SPTAN1: variants seen among roughly 807,000 people sequenced by gnomAD.
The protein encoded by SPTAN1 is spectrin alpha chain, non-erythrocytic 1.
In SPTAN1, 61 loss-of-function variants were observed where a neutral mutation model predicts 331.3. That is an observed-to-expected ratio of 0.18 (90% CI 0.15 to 0.23). The LOEUF is 0.23. SPTAN1 is among the 10% of genes least tolerant of loss of function. The pLI is 1.00. For missense variants in SPTAN1, 2,043 were observed against 3,147.9 expected, an observed-to-expected ratio of 0.65 and a Z score of 8.40; for synonymous variants, 1,153 against 1,173.9, an observed-to-expected ratio of 0.98 and a Z score of 0.36.
intron 51 of SPTAN1, 23 bp from the exon 52 acceptor site, chr9:128,630,298 C>A: frequency 6.2e-7 from 1 of 1,613,900 alleles, no homozygotes; most frequent in Non-Finnish European, 8.5e-7. Flanking sequence ...AGGCCCCTTT[C>A]CTCACTGTCC....
chr9:128,583,520 T>A (rs12342313), intron 15 of SPTAN1, among the ~76,000 whole-genome samples: 2 of 152,328 alleles, frequency 1.3e-5, no homozygotes, highest in South Asian at 2.1e-4. Context: ...TTGGGCCTCA[T>A]TGCTGAAAAT....
chr9:128,569,844 T>C (rs1042583309), intron 3 of SPTAN1, among the ~76,000 whole-genome samples: 9 of 152,298 alleles, frequency 5.9e-5, no homozygotes, highest in Admixed American at 5.9e-4. Flanking sequence ...AAATGTTTGT[T>C]GTCTCACGTT....
chr9:128,570,342 T>A (rs1329933961), intron 3 of SPTAN1, among the ~76,000 whole-genome samples: 691 of 83,348 alleles, frequency 8.3e-3, no homozygotes, highest in African/African-American at 0.019. Context: ...TTTTTTTTTT[T>A]TTTTTTTTTT....
chr9:128,607,071 G>T (rs1855989759), intron 31 of SPTAN1, among the ~76,000 whole-genome samples: 1 of 152,136 alleles, frequency 6.6e-6, no homozygotes, highest in Middle Eastern at 3.2e-3. Context: ...TACACACTCA[G>T]TTTTGTGCCC....
At chr9:128,610,558 TG>T (rs1213905347) in intron 37 of SPTAN1, among the ~76,000 whole-genome samples, 1 of 151,714 alleles carries the variant, frequency 6.6e-6, no homozygotes, top group Non-Finnish European at 1.5e-5. Context: ...GCCTTTTAGT[TG>T]TTTTTTTTTT....
At chr9:128,628,179 C>T (rs773992218) in intron 51 of SPTAN1, 11 of 688,836 alleles carry the variant, frequency 1.6e-5, no homozygotes, top group African/African-American at 8.8e-5. Flanking sequence ...CCTCACTGGG[C>T]GATTCCAAGG....
rs771921943 is a variant in SPTAN1 at position 128,621,213 on chromosome 9, G to A, written c.5789G>A (p.Arg1930His). 3.1e-6 allele frequency: 5 copies of A among 1,614,054 alleles called. No homozygotes were observed. The highest frequency in any genetic ancestry group is 8.5e-7 in the Non-Finnish European group (1 of 1,180,038). The change falls in exon 45 of 57, where the codon CGC becomes CAC. Residue 1930 changes from arginine (R) to histidine (H), a missense_variant. Coordinates refer to ENST00000372739, the MANE Select transcript of SPTAN1 (RefSeq NM_001130438.3). Reference sequence around the variant, plus strand: ...ACAGACTTCACCGTCCACAAGGATCGCGTGAATGATGTCTGCACCAATGGA... The same window carrying A: ...ACAGACTTCACCGTCCACAAGGATCACGTGAATGATGTCTGCACCAATGGA... ...FETDFTVHKD[R>H]VNDVCTNGQD...
rs995924907 is a variant in SPTAN1 at position 128,631,886 on chromosome 9, C to G, written c.6763-241C>G. ...TCGCCGTACTTGTCCTTGGCGTGCA[C>G]TGCCCTCTGGCAGGTCTACCAGCTG... is the stretch of plus-strand genomic sequence containing the variant. On this transcript the variant is annotated intron_variant, in intron 52 of 56. Coordinates refer to ENST00000372739, the MANE Select transcript of SPTAN1 (RefSeq NM_001130438.3). 5.3e-6 allele frequency: 3 copies of G among 564,230 alleles called. No homozygotes were observed. The Admixed American group carries it at 9.2e-5, about 17-fold the overall frequency. 35.0% of individuals were successfully genotyped at this position (564,230 alleles called of 1,614,324 possible). A position where few individuals can be genotyped will look rare whatever the true frequency, so the allele number is the denominator to read the frequency against.
intron 1 of SPTAN1, among the ~76,000 whole-genome samples, chr9:128,559,220 C>A (rs1394567245): frequency 6.6e-6 from 1 of 152,212 alleles, no homozygotes; most frequent in East Asian, 1.9e-4. Flanking sequence ...AGAATTGACT[C>A]GTTCTACTTC....
chr9:128,626,751 G>A, intron 49 of SPTAN1, 64 bp downstream of exon 49: 1 of 1,494,568 alleles, frequency 6.7e-7, no homozygotes, highest in Non-Finnish European at 9.0e-7. Context: ...GCCCTGCTCA[G>A]AGCCCACACT....
intron 9 of SPTAN1, among the ~76,000 whole-genome samples, chr9:128,578,803 C>T (rs560631765): frequency 1.6e-4 from 24 of 147,224 alleles, no homozygotes; most frequent in African/African-American, 5.3e-4. Context: ...CACTCCCGTC[C>T]GGACAACAAG....
intron 1 of SPTAN1, among the ~76,000 whole-genome samples, chr9:128,564,071 C>G (rs369911727): frequency 6.6e-6 from 1 of 152,002 alleles, no homozygotes; most frequent in East Asian, 1.9e-4. Flanking sequence ...CCCAGGAGTT[C>G]AAGACCAGCC....
rs759088264 is a variant in SPTAN1, at chr9:128,618,061, G to A, written c.5553G>A (p.Ala1851=). ...AAGAGGAGATCCAGCAGCGGCTGGC[G>A]CAGTTTGTGGAGCACTGGAAAGAGC... is the stretch of plus-strand genomic sequence containing the variant. The part of the protein sequence containing the change: ...IGKEEIQQRL[A]QFVEHWKELK... Residue 1851 remains alanine, a synonymous_variant, in exon 43 of 57, where the codon GCG becomes GCA. Transcript: ENST00000372739. The A allele has an allele frequency of 2.8e-5, 45 of 1,613,910 alleles. No homozygotes were observed. Among genetic ancestry groups the A allele is most frequent in the South Asian group, 1.8e-4 (16 of 91,080 alleles).
intron 3 of SPTAN1, among the ~76,000 whole-genome samples, chr9:128,569,214 A>T (rs1399287313): frequency 1.3e-5 from 2 of 152,204 alleles, no homozygotes; most frequent in African/African-American, 4.8e-5. Context: ...GAAATTGGCA[A>T]ATTTAAGGAC....
Position 128,626,615 on chromosome 9 carries a change from C to T in SPTAN1, c.6504C>T (p.Ala2168=), listed in dbSNP as rs1858787438. Residue 2168 remains alanine (A), a synonymous_variant, in exon 49 of 57, where the codon GCC becomes GCT. Transcript: ENST00000372739. ...LDRQIKSFRV[A]SNPYTWFTME... ...GCCAGATCAAGAGCTTCCGCGTAGC[C>T]TCCAACCCCTACACCTGGTTTACCA... 1.9e-6 allele frequency: 3 copies of T among 1,613,938 alleles called. No homozygotes were observed. The East Asian group carries it at 6.7e-5, about 36-fold the overall frequency.
At chr9:128,574,105 A>T (rs1166700023) in intron 3 of SPTAN1, among the ~76,000 whole-genome samples, 1 of 151,998 alleles carries the variant, frequency 6.6e-6, no homozygotes, top group Non-Finnish European at 1.5e-5. Context: ...CATAGTTTTT[A>T]CATTGATGAT....
chr9:128,583,411 C>A, intron 15 of SPTAN1, 130 bp downstream of exon 15: 1 of 956,154 alleles, frequency 1.0e-6, no homozygotes, highest in Non-Finnish European at 1.6e-6. Context: ...GGGATAATTT[C>A]CTGTGTAGGA....
intron 52 of SPTAN1, chr9:128,631,319 T>TGTG (rs1859689061): frequency 6.6e-6 from 1 of 151,900 alleles, no homozygotes; most frequent in African/African-American, 2.4e-5. Flanking sequence ...ATTAGCTGGG[T>TGTG]GTGGTGGCAG....
rs1228654959 is a variant in SPTAN1, at chr9:128,603,500, A to G, written c.3580-43A>G. 3 of 1,612,276 alleles carry G rather than the reference A, an allele frequency of 1.9e-6. No homozygotes were observed. The East Asian group carries it at 6.7e-5, about 36-fold the overall frequency. On this transcript the variant is annotated intron_variant, in intron 27 of 56. Coordinates refer to ENST00000372739, the MANE Select transcript of SPTAN1 (RefSeq NM_001130438.3). ...CTTGCAGCTCAGATCTCTAATTGCCAGACACTTGATTAGTTTTGCCTTCTG... is the reference window on the plus strand; with the variant it reads ...CTTGCAGCTCAGATCTCTAATTGCCGGACACTTGATTAGTTTTGCCTTCTG...
Sources: allele counts gnomAD v4.1 joint callset (sites outside exome capture counted in the v4.1 genomes callset), GRCh38; gene constraint gnomAD v4.1.1; transcripts MANE v1.5; gene names NCBI Gene and HGNC (gene_info 2026-07-23, HGNC 2026-07-21).